Variants in ALDH6A1 observed in about 807,000 individuals in gnomAD.
ALDH6A1 encodes methylmalonate-semialdehyde/malonate-semialdehyde dehydrogenase [acylating], mitochondrial.
Under a neutral mutation model 62.6 loss-of-function variants are expected in ALDH6A1, and 43 were observed. The ratio of observed to expected loss-of-function variants is 0.69; its 90% CI spans 0.54 to 0.89. The LOEUF is 0.89. Ranked by LOEUF, ALDH6A1 falls within the 40% of genes least tolerant of loss-of-function variation. The probability of loss-of-function intolerance (pLI) is 0.00; values close to 1 mark genes in which losing one functional copy is unlikely to be tolerated. For synonymous variants in ALDH6A1, 194 were observed against 234.2 expected (o/e 0.83, Z 1.57); for missense variants, 551 against 661.3 (o/e 0.83, Z 1.83).
At position 74,084,305 on chromosome 14, in the gene ALDH6A1, C is replaced by T. The variant is rs750484587; in HGVS notation, c.48+42G>A. ...GCTCAGGGAGCGGACGGAAAGGATCCAATTCCTAGCTTCATGGTGCCTTGG... is the reference window on the plus strand; with the variant it reads ...GCTCAGGGAGCGGACGGAAAGGATCTAATTCCTAGCTTCATGGTGCCTTGG... On this transcript the variant is annotated intron_variant, in intron 1 of 11. Coordinates refer to ENST00000553458, the MANE Select transcript of ALDH6A1 (RefSeq NM_005589.4). 1.4e-5 allele frequency: 23 copies of T among 1,613,322 alleles called. 3 individuals carry two copies. In the South Asian group the frequency reaches 2.3e-4, roughly 16 times the overall value.
intron 1 of ALDH6A1, among the ~76,000 whole-genome samples, chr14:74,075,668 T>C (rs1346025125): frequency 1.3e-5 from 2 of 151,068 alleles, no homozygotes; most frequent in African/African-American, 2.4e-5. Flanking sequence ...AAAAAAAAAA[T>C]CAATGTAAAT....
intron 6 of ALDH6A1, chr14:74,070,791 G>T: frequency 4.7e-6 from 1 of 213,830 alleles, no homozygotes; most frequent in Non-Finnish European, 9.4e-6. Flanking sequence ...AAAAGCACTA[G>T]GAACGGTGCC....
At chr14:74,072,648 C>T in intron 2 of ALDH6A1, 37 bp from the exon 3 acceptor site, 1 of 1,599,854 alleles carries the variant, frequency 6.3e-7, no homozygotes, top group Non-Finnish European at 8.5e-7. Flanking sequence ...CAAACAAAAA[C>T]ATGAAACTTT....
chr14:74,078,337 T>G (rs949112163), intron 1 of ALDH6A1: 2 of 438,518 alleles, frequency 4.6e-6, no homozygotes, highest in Non-Finnish European at 4.5e-6. Context: ...TCAATATATG[T>G]GGACTGGATG....
chr14:74,070,399 A>G (rs559363984), intron 6 of ALDH6A1, among the ~76,000 whole-genome samples: 2 of 152,138 alleles, frequency 1.3e-5, no homozygotes, highest in African/African-American at 4.8e-5. Context: ...CATGCCTGTA[A>G]TCCCAGCTAT....
At chr14:74,077,880 T>TG (rs1419569965) in intron 1 of ALDH6A1, among the ~76,000 whole-genome samples, 2 of 152,188 alleles carry the variant, frequency 1.3e-5, no homozygotes, top group Non-Finnish European at 2.9e-5. Flanking sequence ...AGATTAAACC[T>TG]GATCAGGACT....
At chr14:74,077,091 T>C (rs967968098) in intron 1 of ALDH6A1, among the ~76,000 whole-genome samples, 1 of 152,190 alleles carries the variant, frequency 6.6e-6, no homozygotes, top group Non-Finnish European at 1.5e-5. Flanking sequence ...ATCTGTTTGC[T>C]CTTCTATTCC....
Position 74,060,645 on chromosome 14 carries a change from A to ACGGCCTAC in ALDH6A1, c.1604_1605insGTAGGCCG (p.Ter536=), listed in dbSNP as rs1274066630. ...TCAGTCTTAAACAAACTTGTTTCTA[A>ACGGCCTAC]CGGCCCATGGTAGGCATGACAACAG... On this transcript the variant is annotated stop_gained and frameshift_variant, in exon 12 of 12. Transcript: ENST00000553458. LOFTEE classifies it high-confidence loss of function. 9 of 1,607,072 alleles carry ACGGCCTAC rather than the reference A, an allele frequency of 5.6e-6. No homozygotes were observed. The highest frequency in any genetic ancestry group is 7.7e-6 in the Non-Finnish European group (9 of 1,173,570).
At chr14:74,079,256 C>A (rs1308483455) in intron 1 of ALDH6A1, among the ~76,000 whole-genome samples, 3 of 151,582 alleles carry the variant, frequency 2.0e-5, no homozygotes, top group African/African-American at 7.3e-5. Context: ...GTGGGAAGAT[C>A]ACTTGCGTTC....
chr14:74,070,384 T>A (rs1395118321), intron 6 of ALDH6A1, among the ~76,000 whole-genome samples: 1 of 151,944 alleles, frequency 6.6e-6, no homozygotes, highest in Admixed American at 6.6e-5. Flanking sequence ...TGGGGCACGG[T>A]GGCGCATGCC....
At position 74,059,755 on chromosome 14, in the gene ALDH6A1, G is replaced by T. The variant is rs1185211347; in HGVS notation, c.*887C>A. The T allele has an allele frequency of 6.1e-6, 1 of 164,928 alleles. No homozygotes were observed. The highest frequency in any genetic ancestry group is 2.4e-5 in the African/African-American group (1 of 41,620). The allele number at this position is 164,928 out of a possible 1,614,324, so 10.2% of individuals were successfully genotyped here. A position where few individuals can be genotyped will look rare whatever the true frequency, so the allele number is the denominator to read the frequency against. On this transcript the variant is annotated 3_prime_UTR_variant, in exon 12 of 12. Transcript: ENST00000553458. ...ATTAATGGCTGAAGTATTAATTAAT[G>T]ATTGCTGAAGAGAACCCTGAAACTT...
At chr14:74,078,737 C>T (rs148958881) in intron 1 of ALDH6A1, among the ~76,000 whole-genome samples, 1,591 of 151,886 alleles carry the variant, frequency 0.01, 38 homozygotes, top group Middle Eastern at 0.027. Context: ...ACATGTTGGC[C>T]AGGCTGGTCT....
At chr14:74,064,392 G>GA (rs1322484004) in intron 11 of ALDH6A1, among the ~76,000 whole-genome samples, 2 of 152,010 alleles carry the variant, frequency 1.3e-5, no homozygotes, top group East Asian at 1.9e-4. Context: ...AACTATTACA[G>GA]AAAAAATACG....
chr14:74,057,733 T>C lies in ALDH6A1; in HGVS notation c.*2909A>G. ...AGTACAATGTAGAATCTGAGAAATT[T>C]CAAATGAAGCCACATTAGAACAAAA... On this transcript the variant is annotated 3_prime_UTR_variant, in exon 12 of 12. Transcript: ENST00000553458. 8.6e-7 allele frequency: 1 copy of C among 1,167,866 alleles called. No homozygotes were observed. The highest frequency in any genetic ancestry group is 1.1e-6 in the Non-Finnish European group (1 of 932,896). 72.3% of individuals were successfully genotyped at this position (1,167,866 alleles called of 1,614,324 possible). A position where few individuals can be genotyped will look rare whatever the true frequency, so the allele number is the denominator to read the frequency against.
intron 1 of ALDH6A1, among the ~76,000 whole-genome samples, chr14:74,078,561 T>C (rs957869865): frequency 1.3e-5 from 2 of 152,076 alleles, no homozygotes; most frequent in Non-Finnish European, 2.9e-5. Context: ...AGAGTCTCAC[T>C]CTGTCACCCA....
chr14:74,069,203 C>T (rs1223301167), intron 6 of ALDH6A1: 1 of 418,124 alleles, frequency 2.4e-6, no homozygotes, highest in African/African-American at 2.2e-5. Flanking sequence ...CTCCCAGGTT[C>T]AAGCAATTCT....
chr14:74,069,016 A>G (rs1196723833), intron 6 of ALDH6A1, 35 bp from the exon 7 acceptor site: 2 of 1,608,804 alleles, frequency 1.2e-6, no homozygotes, highest in Admixed American at 1.7e-5. Flanking sequence ...CTCACAAAGG[A>G]GCAAATGGAT....
intron 2 of ALDH6A1, among the ~76,000 whole-genome samples, 168 bp from the exon 3 acceptor site, chr14:74,072,779 C>G (rs575584359): frequency 1.1e-4 from 16 of 152,218 alleles, no homozygotes; most frequent in African/African-American, 3.8e-4. Context: ...CATAATATCC[C>G]TATCTATTCT....
rs1291727640 is a variant in ALDH6A1, at chr14:74,067,522, A to T, written c.900T>A (p.Asn300Lys). 2 of 1,613,958 alleles carry T rather than the reference A, an allele frequency of 1.2e-6. No individual in the cohort carries two copies. Among genetic ancestry groups the T allele is most frequent in the Non-Finnish European group, 1.7e-6 (2 of 1,180,018 alleles). Residue 300 changes from asparagine to lysine, a missense_variant, in exon 8 of 12, where the codon AAT becomes AAA. Coordinates refer to ENST00000553458, the MANE Select transcript of ALDH6A1 (RefSeq NM_005589.4). ...GVVMPDANKE[N>K]TLNQLVGAAF... ...CTGCCCCAACCAGCTGGTTCAGGGT[A>T]TTTTCCTTATTGGCATCTGGCATGA...
Sources: gnomAD v4.1 joint callset for allele counts (sites outside exome capture counted in the v4.1 genomes callset) on GRCh38, gnomAD v4.1.1 for gene constraint, MANE v1.5 for transcripts, NCBI Gene and HGNC (gene_info 2026-07-23, HGNC 2026-07-21) for gene names.